Variants in NRXN3 observed in about 807,000 individuals in gnomAD.
NRXN3 encodes neurexin III.
In NRXN3, 32 loss-of-function variants were observed where a neutral mutation model predicts 137.6. That is an observed-to-expected ratio of 0.23 (90% confidence interval 0.18 to 0.31). The LOEUF (loss-of-function observed/expected upper bound fraction) is 0.31, where lower values mean the gene tolerates loss of function less well. NRXN3 is among the 10% of genes least tolerant of loss of function. NRXN3 has a pLI of 1.00. For synonymous variants in NRXN3, 798 were observed against 784.5 expected (o/e 1.02, Z -0.29); for missense variants, 1,574 against 2,062.5 (o/e 0.76, Z 4.59).
At chr14:79,739,321 T>C (rs901349369) in intron 19 of NRXN3, among the ~76,000 whole-genome samples, 1 of 151,952 alleles carries the variant, frequency 6.6e-6, no homozygotes, top group East Asian at 1.9e-4. Context: ...AGAAAATGAT[T>C]GGAGAAATAC....
At chr14:78,941,524 C>G (rs1349634465) in intron 10 of NRXN3, among the ~76,000 whole-genome samples, 3 of 152,194 alleles carry the variant, frequency 2.0e-5, no homozygotes, top group Non-Finnish European at 4.4e-5. Flanking sequence ...CACATCTGCT[C>G]CCTCAGAAGC....
intron 19 of NRXN3, among the ~76,000 whole-genome samples, chr14:79,768,365 G>T (rs1603474714): frequency 6.6e-6 from 1 of 152,336 alleles, no homozygotes; most frequent in Non-Finnish European, 1.5e-5. Flanking sequence ...GCAGACTTAA[G>T]TATCCCTGTC....
intron 15 of NRXN3, among the ~76,000 whole-genome samples, chr14:79,144,335 C>A (rs1053870669): frequency 6.6e-6 from 1 of 152,156 alleles, no homozygotes; most frequent in Admixed American, 6.5e-5. Flanking sequence ...TTTAGTGCAA[C>A]TCTGCTTTGC....
chr14:78,370,165 A>C (rs557813506), intron 4 of NRXN3, among the ~76,000 whole-genome samples: 7 of 152,000 alleles, frequency 4.6e-5, no homozygotes, highest in Admixed American at 4.6e-4. Context: ...CTCCTCACAC[A>C]TTTCCTTGTC....
intron 19 of NRXN3, among the ~76,000 whole-genome samples, chr14:79,766,043 C>G (rs895274560): frequency 2.0e-5 from 3 of 152,094 alleles, no homozygotes; most frequent in African/African-American, 7.2e-5. Flanking sequence ...ATATAGCATA[C>G]CTGTATTCAG....
chr14:79,602,695 T>C (rs2097940768), intron 16 of NRXN3, among the ~76,000 whole-genome samples: 1 of 152,120 alleles, frequency 6.6e-6, no homozygotes, highest in African/African-American at 2.4e-5. Context: ...ATCTAACCAG[T>C]TCCTCCTAGA....
chr14:78,618,400 CA>C (rs1488673813), intron 4 of NRXN3, among the ~76,000 whole-genome samples: 2 of 152,038 alleles, frequency 1.3e-5, no homozygotes, highest in Non-Finnish European at 2.9e-5. Context: ...CCACTTGACA[CA>C]TATTTACCCC....
chr14:79,861,638 C>T lies in NRXN3; in HGVS notation c.4390C>T (p.Pro1464Ser). ...TKLKSPLITS[P>S]MFRNVPTANP... ...ACTGAAGAGCCCACTAATTACTTCC[C>T]CCATGTTCCGTAATGTGCCCACAGC... is the stretch of plus-strand genomic sequence containing the variant. The change falls in exon 21 of 21, where the codon CCC (proline) becomes TCC (serine). Residue 1464 changes from proline to serine, a missense_variant. Physicochemically the swap from Pro to Ser is moderately conservative, Grantham distance 74. This residue lies in a region of NRXN3 where 320 missense variants were observed against 387.1 expected (regional missense o/e 0.83). Coordinates refer to ENST00000335750, the MANE Select transcript of NRXN3 (RefSeq NM_001330195.2). This position sits in a 1 kb window ranked among gnomAD's most constrained non-coding sequence, Gnocchi z 5.4. The T allele has an allele frequency of 6.2e-7, 1 of 1,614,142 alleles. No individual in the cohort carries two copies. Among genetic ancestry groups the T allele is most frequent in the Non-Finnish European group, 8.5e-7 (1 of 1,180,048 alleles).
intron 15 of NRXN3, among the ~76,000 whole-genome samples, chr14:79,087,831 T>A (rs1425600475): frequency 6.6e-6 from 1 of 152,216 alleles, no homozygotes; most frequent in East Asian, 1.9e-4. Context: ...AAATCTTTTA[T>A]GTTTGAGAAC....
At chr14:79,557,146 T>C (rs530657483) in intron 16 of NRXN3, among the ~76,000 whole-genome samples, 7 of 152,236 alleles carry the variant, frequency 4.6e-5, no homozygotes, top group African/African-American at 1.2e-4. Context: ...CTGTATTATA[T>C]TGGTTTTCAA....
At chr14:79,567,651 T>C (rs576052587) in intron 16 of NRXN3, among the ~76,000 whole-genome samples, 2 of 152,308 alleles carry the variant, frequency 1.3e-5, no homozygotes, top group African/African-American at 4.8e-5. Flanking sequence ...ACGTTCGGCA[T>C]GATTTGCTTT....
intron 4 of NRXN3, chr14:78,403,925 G>A (rs2092299633): frequency 1.0e-6 from 1 of 973,568 alleles, no homozygotes; most frequent in Non-Finnish European, 1.2e-6. Context: ...TGTGAGCTGC[G>A]GTGGGGGTGG....
chr14:79,436,244 T>C (rs1045879127), intron 15 of NRXN3, among the ~76,000 whole-genome samples: 3 of 152,228 alleles, frequency 2.0e-5, no homozygotes, highest in Non-Finnish European at 2.9e-5. Flanking sequence ...CTTTCTGTCT[T>C]TGGTGTCTTC....
chr14:79,544,740 C>T (rs1013346003), intron 16 of NRXN3, among the ~76,000 whole-genome samples: 3 of 152,184 alleles, frequency 2.0e-5, no homozygotes, highest in Admixed American at 2.0e-4. Context: ...ATGAGTGGTT[C>T]TCAAAGTGTA....
chr14:78,538,916 T>C (rs899870203), intron 4 of NRXN3, among the ~76,000 whole-genome samples: 2 of 152,162 alleles, frequency 1.3e-5, no homozygotes, highest in Admixed American at 6.5e-5. Context: ...TGGATTACGT[T>C]TATTGATTTG....
Position 79,288,834 on chromosome 14 carries a change from T to G in NRXN3, c.3263-178387T>G, listed in dbSNP as rs546189967. 2.0e-4 allele frequency among the ~76,000 whole-genome samples: 31 copies of G among 152,292 alleles called. No homozygotes were observed. In the East Asian group the frequency reaches 5.8e-3, roughly 28 times the overall value. ...ATGTTTTCCAATCTGCCTGAACCCGTTTCAACCCAAGGAGATAGTAAATAA... is the reference window on the plus strand; with the variant it reads ...ATGTTTTCCAATCTGCCTGAACCCGGTTCAACCCAAGGAGATAGTAAATAA... On this transcript the variant is annotated intron_variant, in intron 15 of 20. Transcript: ENST00000335750.
At chr14:78,935,625 G>T (rs1038490449) in intron 10 of NRXN3, among the ~76,000 whole-genome samples, 3 of 152,152 alleles carry the variant, frequency 2.0e-5, no homozygotes. Flanking sequence ...CAGAGGCAAG[G>T]TTTTGAGAAT....
intron 10 of NRXN3, among the ~76,000 whole-genome samples, chr14:78,954,776 T>G (rs1183452502): frequency 1.6e-4 from 24 of 150,960 alleles, no homozygotes; most frequent in African/African-American, 2.7e-4. Context: ...GGTTTTTTTT[T>G]TTTTTTTTTT....
In NRXN3 at chr14:78,958,645, G is replaced by A. The variant is rs556544133; in HGVS notation, c.2395+1284G>A. Among the ~76,000 whole-genome samples the A allele has an allele frequency of 2.0e-3, 297 of 152,274 alleles. 1 individual carries two copies. Among genetic ancestry groups the A allele is most frequent in the African/African-American group, 6.8e-3 (284 of 41,556 alleles). On this transcript the variant is annotated intron_variant, in intron 11 of 20. Coordinates refer to ENST00000335750, the MANE Select transcript of NRXN3 (RefSeq NM_001330195.2). ...GCTGGGATTACAGGCGTGAGCCATC[G>A]CGCCAGGCCTTACATGCTATATCTT...
Sources: allele counts gnomAD v4.1 joint callset (sites outside exome capture counted in the v4.1 genomes callset), GRCh38; gene constraint gnomAD v4.1.1; regional missense constraint gnomAD v4.1.1; non-coding constraint Gnocchi (gnomAD v3.1); transcripts MANE v1.5; gene names NCBI Gene and HGNC (gene_info 2026-07-23, HGNC 2026-07-21).